The following MYO1E variants were observed in gnomAD, a reference collection of about 807,000 sequenced individuals.
MYO1E encodes the protein unconventional myosin-Ie.
In MYO1E, 68 loss-of-function variants were observed where a neutral mutation model predicts 151.1. The ratio of observed to expected loss-of-function variants is 0.45; its 90% confidence interval spans 0.37 to 0.55. The LOEUF is 0.55. Ranked by LOEUF, MYO1E falls within the 20% of genes least tolerant of loss-of-function variation. The probability of loss-of-function intolerance (pLI) is 0.00; values close to 1 mark genes in which losing one functional copy is unlikely to be tolerated. For missense variants in MYO1E, 1,363 were observed against 1,389.3 expected, an observed-to-expected ratio of 0.98 and a Z score of 0.30; for synonymous variants, 601 against 501.7, an observed-to-expected ratio of 1.20 and a Z score of -2.64.
rs528312257 is a variant in MYO1E, at chr15:59,170,632, T to C, written c.2480+1265A>G. Among the ~76,000 whole-genome samples the C allele has an allele frequency of 3.9e-4, 59 of 149,942 alleles. No individual in the cohort carries two copies. In the South Asian group the frequency reaches 8.4e-3, roughly 21 times the overall value. On this transcript the variant is annotated intron_variant, in intron 22 of 27. Transcript: ENST00000288235. Reference sequence around the variant, plus strand: ...CAATAGCCTTGAAACCTACCTGAGGTGGGGCTGCAAAATGGACACTGCGGA... The same window carrying C: ...CAATAGCCTTGAAACCTACCTGAGGCGGGGCTGCAAAATGGACACTGCGGA...
At chr15:59,253,634 G>A (rs8030006) in intron 4 of MYO1E, among the ~76,000 whole-genome samples, 117,272 of 151,750 alleles carry the variant, frequency 0.77, 45,927 homozygotes, top group Non-Finnish European at 0.84. Context: ...GGCATGCGCC[G>A]CCATGCCCGG....
Position 59,195,432 on chromosome 15 carries a change from G to T in MYO1E, c.1805+29C>A, listed in dbSNP as rs187541181. On this transcript the variant is annotated intron_variant, in intron 17 of 27. Transcript: ENST00000288235. Reference sequence around the variant, plus strand: ...CTTGAGCAGAGGGAAAAAGGTCCCGGCCCCACCTAAGCCGGTTTCCCCCGA... The same window carrying T: ...CTTGAGCAGAGGGAAAAAGGTCCCGTCCCCACCTAAGCCGGTTTCCCCCGA... 1.1e-4 allele frequency: 167 copies of T among 1,574,634 alleles called. 1 individual carries two copies. The East Asian group carries it at 3.7e-3, about 35-fold the overall frequency.
At chr15:59,191,767 T>A (rs1169333562) in intron 17 of MYO1E, among the ~76,000 whole-genome samples, 2 of 152,220 alleles carry the variant, frequency 1.3e-5, no homozygotes, top group Non-Finnish European at 2.9e-5. Context: ...TTTTGCATAT[T>A]CCTGGAGCAC....
intron 1 of MYO1E, among the ~76,000 whole-genome samples, chr15:59,312,272 G>T (rs1249822862): frequency 6.6e-6 from 1 of 152,128 alleles, no homozygotes; most frequent in Non-Finnish European, 1.5e-5. Flanking sequence ...GGCAACAAAA[G>T]AAATTTTAGG....
chr15:59,164,133 G>A (rs1427203584), intron 22 of MYO1E, among the ~76,000 whole-genome samples: 1 of 152,162 alleles, frequency 6.6e-6, no homozygotes, highest in Admixed American at 6.5e-5. Flanking sequence ...AGGTTGATGA[G>A]ACAAAGTTCC....
chr15:59,197,988 T>G (rs2079778056), intron 16 of MYO1E, among the ~76,000 whole-genome samples: 1 of 152,164 alleles, frequency 6.6e-6, no homozygotes, highest in African/African-American at 2.4e-5. Context: ...CAGCCCTCTG[T>G]GTAGCTGGGA....
Position 59,137,332 on chromosome 15 carries a change from G to C in MYO1E, c.*48C>G, listed in dbSNP as rs535523301. On this transcript the variant is annotated 3_prime_UTR_variant, in exon 28 of 28. Coordinates refer to ENST00000288235, the MANE Select transcript of MYO1E (RefSeq NM_004998.4). ...GAGCCCCTAAATATCCCCTCCCCTG[G>C]TCTGTGCCTGGAGCTCCTCTGCCCC... 5 of 1,529,202 alleles carry C rather than the reference G, an allele frequency of 3.3e-6. No homozygotes were observed. In the South Asian group the frequency reaches 4.5e-5, roughly 14 times the overall value. The allele number at this position is 1,529,202 out of a possible 1,614,324, so 94.7% of individuals were successfully genotyped here. A position where few individuals can be genotyped will look rare whatever the true frequency, so the allele number is the denominator to read the frequency against.
chr15:59,372,351 G>C (rs559195992), intron 1 of MYO1E, 147 bp downstream of exon 1: 2 of 989,104 alleles, frequency 2.0e-6, no homozygotes, highest in East Asian at 2.7e-5. Flanking sequence ...GAAAGCGGCA[G>C]GAAATCAGAG....
In MYO1E at chr15:59,173,889, CCTT is replaced by C; in HGVS notation, c.2188_2190del (p.Lys730del). ...CTGTTAATACTGTTTCTCCTTCTCT[CCTT>C]CTTGTTCAATAAGAGGTCTGAGGCT... On this transcript the variant is annotated inframe_deletion, in exon 21 of 28. Coordinates refer to ENST00000288235, the MANE Select transcript of MYO1E (RefSeq NM_004998.4). The C allele has an allele frequency of 6.2e-7, 1 of 1,614,138 alleles. No individual in the cohort carries two copies. The highest frequency in any genetic ancestry group is 1.1e-5 in the South Asian group (1 of 91,084).
At chr15:59,362,455 T>C (rs1472690560) in intron 1 of MYO1E, among the ~76,000 whole-genome samples, 1 of 152,352 alleles carries the variant, frequency 6.6e-6, no homozygotes, top group South Asian at 2.1e-4. Flanking sequence ...GGTCAGTAGC[T>C]TCCAACATAT....
At chr15:59,152,342 C>T (rs2079486459) in intron 26 of MYO1E, among the ~76,000 whole-genome samples, 1 of 152,210 alleles carries the variant, frequency 6.6e-6, no homozygotes, top group Non-Finnish European at 1.5e-5. Flanking sequence ...ACCTCCTGAT[C>T]CTCATTTGAA....
chr15:59,248,486 C>CAAAAAAAA (rs71119447), intron 4 of MYO1E, among the ~76,000 whole-genome samples: 2 of 57,052 alleles, frequency 3.5e-5, no homozygotes, highest in Admixed American at 2.5e-4. Flanking sequence ...GACTCCATCT[C>CAAAAAAAA]AAAAAAAAAA....
At chr15:59,194,763 C>A (rs1383385067) in intron 17 of MYO1E, among the ~76,000 whole-genome samples, 1 of 152,152 alleles carries the variant, frequency 6.6e-6, no homozygotes, top group Non-Finnish European at 1.5e-5. Context: ...AAAATTCATA[C>A]CCTCTAGCCA....
chr15:59,186,511 A>G (rs1269611754), intron 18 of MYO1E, among the ~76,000 whole-genome samples: 2 of 152,168 alleles, frequency 1.3e-5, no homozygotes, highest in Non-Finnish European at 2.9e-5. Context: ...CGTGCTGATA[A>G]TCCCAACACT....
chr15:59,226,987 G>A (rs529547487), intron 7 of MYO1E, among the ~76,000 whole-genome samples: 26 of 152,198 alleles, frequency 1.7e-4, no homozygotes, highest in Middle Eastern at 3.4e-3. Context: ...TCTTTCCTCC[G>A]GTAGCTCACG....
chr15:59,252,552 TGA>T (rs2080171225), intron 4 of MYO1E, among the ~76,000 whole-genome samples: 1 of 152,082 alleles, frequency 6.6e-6, no homozygotes, highest in Non-Finnish European at 1.5e-5. Context: ...CCGTCTCTAC[TGA>T]AAATACAAAA....
chr15:59,256,528 T>C (rs1417693457), intron 3 of MYO1E, 150 bp from the exon 4 acceptor site: 1 of 421,674 alleles, frequency 2.4e-6, no homozygotes, highest in East Asian at 4.2e-5. Flanking sequence ...TCATTACATC[T>C]TAAAGGTTGC....
intron 24 of MYO1E, among the ~76,000 whole-genome samples, chr15:59,160,187 G>C (rs1035330932): frequency 3.9e-5 from 6 of 152,006 alleles, no homozygotes; most frequent in Non-Finnish European, 7.4e-5. Context: ...TCACACACAG[G>C]CTAAATCTTA....
chr15:59,156,182 T>C lies in MYO1E; in HGVS notation c.2878+2105A>G, dbSNP rs905906084. On this transcript the variant is annotated intron_variant, in intron 25 of 27. Coordinates refer to ENST00000288235, the MANE Select transcript of MYO1E (RefSeq NM_004998.4). ...CAGCTAATTTTTATTTTTTAATTTA[T>C]TTTATTATTTATTTATTTTTGAGCC... Among the ~76,000 whole-genome samples the C allele has an allele frequency of 2.6e-5, 4 of 152,256 alleles. 1 individual carries two copies. The South Asian group carries it at 8.3e-4, about 32-fold the overall frequency.
Sources: gnomAD v4.1 joint callset for allele counts (sites outside exome capture counted in the v4.1 genomes callset) on GRCh38, gnomAD v4.1.1 for gene constraint, MANE v1.5 for transcripts, NCBI Gene and HGNC (gene_info 2026-07-23, HGNC 2026-07-21) for gene names.